The following CEP97 variants were observed in gnomAD, a reference collection of about 807,000 sequenced individuals.
The protein encoded by CEP97 is centrosomal protein 97.
Under a neutral mutation model 73.1 loss-of-function variants are expected in CEP97, and 43 were observed. The observed-to-expected ratio is 0.59, with a 90% CI of 0.46 to 0.76. The LOEUF is 0.76. Among genes scored for constraint, CEP97 ranks in the 30% least tolerant of loss-of-function variants. CEP97 has a pLI of 0.00. For missense variants in CEP97, 939 were observed against 1,014.0 expected (o/e 0.93, Z 1.00); for synonymous variants, 337 against 370.0 (o/e 0.91, Z 1.02).
At chr3:101,740,588 A>G (rs1482687152) in intron 6 of CEP97, among the ~76,000 whole-genome samples, 2 of 151,518 alleles carry the variant, frequency 1.3e-5, no homozygotes, top group Admixed American at 6.6e-5. Context: ...GCTACCATTG[A>G]CTTTCTTTTT....
rs2625282 is a variant in CEP97 at position 101,765,491 on chromosome 3, G to A, written c.2538G>A (p.Gln846=). Reference sequence around the variant, plus strand: ...ATTCTAAATTAAATGCAGAAGTTCAGGGGCAGCAGCCAGAATGTGATTCTA... The same window carrying A: ...ATTCTAAATTAAATGCAGAAGTTCAAGGGCAGCAGCCAGAATGTGATTCTA... ...QENSKLNAEV[Q]GQQPECDSTF... The change falls in exon 11 of 11, where the codon CAG becomes CAA. Residue 846 remains glutamine, a synonymous_variant. Coordinates refer to ENST00000341893, the MANE Select transcript of CEP97 (RefSeq NM_024548.4). 0.91 allele frequency: 1,466,553 copies of A among 1,614,070 alleles called. 666,972 individuals are homozygous for A. The highest frequency in any genetic ancestry group is 0.99 in the East Asian group (44,482 of 44,872).
At position 101,764,861 on chromosome 3, in the gene CEP97, G is replaced by A; in HGVS notation, c.1908G>A (p.Gln636=). The change falls in exon 11 of 11, where the codon CAG becomes CAA. Residue 636 remains glutamine (Q), a synonymous_variant. Transcript: ENST00000341893. ...CTGGTTTATAGGTAAGGTCTCTACA[G>A]GTTTGGCAACAGACAGTGGACCAGC... ...RFLWNQVRSL[Q]VWQQTVDQRL... The A allele has an allele frequency of 6.2e-7, 1 of 1,609,444 alleles. No homozygotes were observed. The highest frequency in any genetic ancestry group is 8.5e-7 in the Non-Finnish European group (1 of 1,178,430).
Position 101,758,378 on chromosome 3 carries a change from G to T in CEP97, c.1772G>T (p.Arg591Leu), listed in dbSNP as rs770975681. The T allele has an allele frequency of 1.2e-6, 2 of 1,614,144 alleles. No individual in the cohort carries two copies. The highest frequency in any genetic ancestry group is 1.1e-5 in the South Asian group (1 of 91,072). ...AKDVRYEIRL[R>L]RMQEHIVCLT... ...GATGTGCGTTACGAAATCCGGCTACGCAGAATGCAAGAGCACATTGTCTGC... is the reference window on the plus strand; with the variant it reads ...GATGTGCGTTACGAAATCCGGCTACTCAGAATGCAAGAGCACATTGTCTGC... The change falls in exon 9 of 11, where the codon CGC becomes CTC. Residue 591 changes from arginine (R) to leucine (L), a missense_variant. Physicochemically the swap from Arg to Leu is moderately radical, Grantham distance 102. Transcript: ENST00000341893.
intron 6 of CEP97, among the ~76,000 whole-genome samples, chr3:101,748,340 G>T (rs759276730): frequency 1.3e-5 from 2 of 151,814 alleles, no homozygotes; most frequent in Non-Finnish European, 2.9e-5. Context: ...AGCAGTTGAC[G>T]ATCTACAGTT....
intron 9 of CEP97, chr3:101,758,754 A>T (rs993923728): frequency 2.1e-5 from 5 of 238,480 alleles, no homozygotes; most frequent in Admixed American, 2.0e-4. Context: ...AAATGAGAAG[A>T]TGATGAAGTC....
chr3:101,743,944 C>T (rs1398251206), intron 6 of CEP97, among the ~76,000 whole-genome samples: 2 of 147,600 alleles, frequency 1.4e-5, no homozygotes, highest in African/African-American at 5.0e-5. Flanking sequence ...GCAGAGGTTA[C>T]GGTGAGCTGA....
At chr3:101,749,101 G>T (rs1333180553) in intron 6 of CEP97, among the ~76,000 whole-genome samples, 1 of 150,826 alleles carries the variant, frequency 6.6e-6, no homozygotes, top group Non-Finnish European at 1.5e-5. Context: ...CCATTAACTC[G>T]TCATTTAGCA....
Position 101,757,873 on chromosome 3 carries a change from C to T in CEP97, c.1267C>T (p.Leu423=). Residue 423 remains leucine, a synonymous_variant, in exon 9 of 11, where the codon CTG becomes TTG. Coordinates refer to ENST00000341893, the MANE Select transcript of CEP97 (RefSeq NM_024548.4). ...SPLSPTVELR[L]QGINLGLEDD... ...ACTATCACCTACAGTTGAGCTGAGGCTGCAGGGCATTAACTTGGGCCTAGA... is the reference window on the plus strand; with the variant it reads ...ACTATCACCTACAGTTGAGCTGAGGTTGCAGGGCATTAACTTGGGCCTAGA... The T allele has an allele frequency of 6.2e-7, 1 of 1,614,240 alleles. No homozygotes were observed. The highest frequency in any genetic ancestry group is 8.5e-7 in the Non-Finnish European group (1 of 1,180,050).
chr3:101,754,633 C>T (rs775336193), intron 6 of CEP97, among the ~76,000 whole-genome samples: 10 of 152,192 alleles, frequency 6.6e-5, no homozygotes. Flanking sequence ...GAAGGCTTAA[C>T]TTGGCTAGAT....
rs755590578 is a variant in CEP97, at chr3:101,758,430, C to G, written c.1817+7C>G. On this transcript the variant is annotated splice_region_variant and intron_variant, in intron 9 of 10. Transcript: ENST00000341893. ...TAACTGATGAAATAAGGAGGTGGGTCAGAAGTCCTTTTGATGCACTGTTTT... is the reference window on the plus strand; with the variant it reads ...TAACTGATGAAATAAGGAGGTGGGTGAGAAGTCCTTTTGATGCACTGTTTT... 6.2e-7 allele frequency: 1 copy of G among 1,613,416 alleles called. No individual in the cohort carries two copies. The highest frequency in any genetic ancestry group is 8.5e-7 in the Non-Finnish European group (1 of 1,179,958).
chr3:101,732,157 T>C (rs1412371046), intron 5 of CEP97, among the ~76,000 whole-genome samples: 1 of 152,226 alleles, frequency 6.6e-6, no homozygotes, highest in African/African-American at 2.4e-5. Flanking sequence ...GCTGTAATTA[T>C]CATTCCACTG....
chr3:101,754,075 CAA>C (rs1938935676), intron 6 of CEP97, among the ~76,000 whole-genome samples: 2 of 72,508 alleles, frequency 2.8e-5, no homozygotes, highest in African/African-American at 5.4e-5. Context: ...TTTTAAGAAA[CAA>C]GAGTCTTGCT....
In CEP97 at chr3:101,726,503, G is replaced by T. The variant is rs530077719; in HGVS notation, c.44-91G>T. On this transcript the variant is annotated intron_variant, in intron 1 of 10. Transcript: ENST00000341893. ...CTCTACTGTTCTTTAACTTGAAATGGTATAGAGATTTTATAATTCCAGCCC... is the reference window on the plus strand; with the variant it reads ...CTCTACTGTTCTTTAACTTGAAATGTTATAGAGATTTTATAATTCCAGCCC... 3.8e-5 allele frequency: 34 copies of T among 893,256 alleles called. No individual in the cohort carries two copies. In the African/African-American group the frequency reaches 5.7e-4, roughly 15 times the overall value. The allele number at this position is 893,256 out of a possible 1,614,324, so 55.3% of individuals were successfully genotyped here. A position where few individuals can be genotyped will look rare whatever the true frequency, so the allele number is the denominator to read the frequency against.
At chr3:101,731,740 A>G in intron 4 of CEP97, 100 bp from the exon 5 acceptor site, 1 of 671,846 alleles carries the variant, frequency 1.5e-6, no homozygotes, top group South Asian at 1.8e-5. Context: ...ATAATAAAGT[A>G]GATTCCTTTA....
Position 101,765,373 on chromosome 3 carries a change from T to C in CEP97, c.2420T>C (p.Val807Ala), listed in dbSNP as rs149506217. ...DSKLHIACFP[V>A]QLDTLSDGAS... Reference sequence around the variant, plus strand: ...AAACTTCACATTGCTTGTTTCCCAGTACAGTTAGATACATTGTCTGACGGT... The same window carrying C: ...AAACTTCACATTGCTTGTTTCCCAGCACAGTTAGATACATTGTCTGACGGT... The change falls in exon 11 of 11, where the codon GTA becomes GCA. Residue 807 changes from valine (V) to alanine (A), a missense_variant. Physicochemically the swap from Val to Ala is moderately conservative, Grantham distance 64. Coordinates refer to ENST00000341893, the MANE Select transcript of CEP97 (RefSeq NM_024548.4). 622 of 1,614,200 alleles carry C rather than the reference T, an allele frequency of 3.9e-4. 3 individuals are homozygous for C. Among genetic ancestry groups the C allele is most frequent in the Non-Finnish European group, 4.2e-4 (491 of 1,180,036 alleles).
chr3:101,750,726 G>C (rs185609422), intron 6 of CEP97, among the ~76,000 whole-genome samples: 26 of 152,222 alleles, frequency 1.7e-4, no homozygotes, highest in African/African-American at 6.3e-4. Flanking sequence ...TTCTCTGATG[G>C]TAGTTTGTAT....
At position 101,741,655 on chromosome 3, in the gene CEP97, A is replaced by G. The variant is rs187257321; in HGVS notation, c.728+9001A>G. On this transcript the variant is annotated intron_variant, in intron 6 of 10. Transcript: ENST00000341893. ...ATTTATGCGGCCAACAATCATATGA[A>G]AAAAAGCTCATCATCACTGGTCATT... Among the ~76,000 whole-genome samples the G allele has an allele frequency of 4.0e-3, 608 of 152,354 alleles. 3 individuals are homozygous for G. Among genetic ancestry groups the G allele is most frequent in the African/African-American group, 0.014 (568 of 41,582 alleles).
intron 9 of CEP97, among the ~76,000 whole-genome samples, chr3:101,760,291 T>C (rs959731173): frequency 1.3e-5 from 2 of 152,156 alleles, no homozygotes; most frequent in African/African-American, 4.8e-5. Context: ...GAGGTAGTTA[T>C]CTTAAACATG....
intron 10 of CEP97, among the ~76,000 whole-genome samples, chr3:101,764,216 CAGCACTTGGG>C (rs1939246497): frequency 6.6e-6 from 1 of 152,188 alleles, no homozygotes; most frequent in Non-Finnish European, 1.5e-5. Context: ...CCCGTAATCC[CAGCACTTGGG>C]AGGCCAAGGC....
Sources: gnomAD v4.1 joint callset for allele counts (sites outside exome capture counted in the v4.1 genomes callset) on GRCh38, gnomAD v4.1.1 for gene constraint, MANE v1.5 for transcripts, NCBI Gene and HGNC (gene_info 2026-07-23, HGNC 2026-07-21) for gene names.